Variants in DNMT3L observed in about 807,000 individuals in gnomAD.
The protein encoded by DNMT3L is DNA (cytosine-5)-methyltransferase 3-like.
In DNMT3L, 33 loss-of-function variants were observed where a neutral mutation model predicts 36.2. The ratio of observed to expected loss-of-function variants is 0.91; its 90% CI spans 0.69 to 1.22. The LOEUF (loss-of-function observed/expected upper bound fraction) is 1.22. Among genes scored for constraint, DNMT3L ranks in the 50% most tolerant of loss-of-function variants. DNMT3L has a pLI of 0.00. For missense variants in DNMT3L, 310 were observed against 303.1 expected (o/e 1.02, Z -0.17); for synonymous variants, 117 against 121.7 (o/e 0.96, Z 0.26).
chr21:44,260,147 C>CT (rs2040304205), intron 3 of DNMT3L, among the ~76,000 whole-genome samples: 1 of 151,552 alleles, frequency 6.6e-6, no homozygotes, highest in East Asian at 1.9e-4. Context: ...TCCCAGCTGG[C>CT]TTTTGGGCAG....
Position 44,258,565 on chromosome 21 carries a change from C to A in DNMT3L, c.474G>T (p.Arg158Ser), listed in dbSNP as rs775967192. The A allele has an allele frequency of 7.5e-6, 12 of 1,602,268 alleles. No homozygotes were observed. The South Asian group carries it at 1.3e-4, about 18-fold the overall frequency. ...SSRSGLLQRR[R>S]KWRSQLKAFY... ...AGGCCTTGAGCTGGCTGCGCCACTT[C>A]CTCCGACGCTGCAGCAGCCCGCTTC... is the stretch of plus-strand genomic sequence containing the variant. Residue 158 changes from arginine to serine, a missense_variant, in exon 6 of 12, where the codon AGG becomes AGT. Arg to Ser is a moderately radical substitution (Grantham distance 110). Transcript: ENST00000628202. This position sits in a 1 kb window ranked among gnomAD's most constrained non-coding sequence, Gnocchi z 6.2.
In DNMT3L at chr21:44,256,119, C is replaced by T. The variant is rs781471370; in HGVS notation, c.552G>A (p.Val184=). ...GCACCCGGACTGGCTGTCTCCTCCA[C>T]ACAGGCACGGTTTCGAACATCTCAA... The part of the protein sequence containing the change: ...NPLEMFETVP[V]WRRQPVRVLS... The change falls in exon 7 of 12, where the codon GTG becomes GTA. Residue 184 remains valine, a synonymous_variant. Coordinates refer to ENST00000628202, the MANE Select transcript of DNMT3L (RefSeq NM_175867.3). 17 of 1,613,962 alleles carry T rather than the reference C, an allele frequency of 1.1e-5. No individual in the cohort carries two copies. Among genetic ancestry groups the T allele is most frequent in the South Asian group, 4.4e-5 (4 of 91,078 alleles).
intron 8 of DNMT3L, among the ~76,000 whole-genome samples, chr21:44,253,573 G>T (rs2040235557): frequency 6.6e-6 from 1 of 152,118 alleles, no homozygotes; most frequent in Admixed American, 6.6e-5. Context: ...CAAAAAATTA[G>T]CTGGGCATGG....
At chr21:44,255,643 C>T (rs1019581043) in intron 7 of DNMT3L, among the ~76,000 whole-genome samples, 10 of 152,330 alleles carry the variant, frequency 6.6e-5, no homozygotes, top group African/African-American at 9.6e-5. Flanking sequence ...AGCCCTGGAA[C>T]GGCCCTGGAG....
rs1300083887 is a variant in DNMT3L at position 44,259,542 on chromosome 21, A to T, written c.239T>A (p.Phe80Tyr). Residue 80 changes from phenylalanine (F) to tyrosine (Y), a missense_variant, in exon 5 of 12, where the codon TTC (phenylalanine) becomes TAC (tyrosine). Transcript: ENST00000628202. ...GGICAPCKDK[F>Y]LDALFLYDDD... Reference sequence around the variant, plus strand: ...GTCGTACAGGAAGAGGGCATCCAGGAACTTGTCCTTGGAAGGAGCAAAGCA... The same window carrying T: ...GTCGTACAGGAAGAGGGCATCCAGGTACTTGTCCTTGGAAGGAGCAAAGCA... 1 of 1,613,698 alleles carries T rather than the reference A, an allele frequency of 6.2e-7. No homozygotes were observed. Among genetic ancestry groups the T allele is most frequent in the Admixed American group, 1.7e-5 (1 of 60,016 alleles).
In DNMT3L at chr21:44,260,808, C is replaced by T; in HGVS notation, c.138G>A (p.Gln46=). Residue 46 remains glutamine, a synonymous_variant, in exon 3 of 12, where the codon CAG becomes CAA. Coordinates refer to ENST00000628202, the MANE Select transcript of DNMT3L (RefSeq NM_175867.3). ...GCAAACACTCACCTTCTATATTTCG[C>T]TGGTTAGCCTTGACTTCATATGCAA... ...DLIAYEVKAN[Q]RNIEDICICC... is the part of the protein sequence containing the mutation. 6.2e-7 allele frequency: 1 copy of T among 1,613,236 alleles called. No individual in the cohort carries two copies. The highest frequency in any genetic ancestry group is 8.5e-7 in the Non-Finnish European group (1 of 1,179,928).
intron 6 of DNMT3L, among the ~76,000 whole-genome samples, chr21:44,257,510 T>C (rs1481702463): frequency 6.6e-6 from 1 of 151,030 alleles, no homozygotes; most frequent in African/African-American, 2.4e-5. Context: ...TGAAACCCCG[T>C]CTCTACTAAA....
At chr21:44,260,898 T>G in intron 2 of DNMT3L, 59 bp from the exon 3 acceptor site, 1 of 1,611,874 alleles carries the variant, frequency 6.2e-7, no homozygotes, top group East Asian at 2.2e-5. Flanking sequence ...TAATTTAAAT[T>G]CGGCCAGGAA....
intron 8 of DNMT3L, 138 bp downstream of exon 8, chr21:44,254,479 C>A: frequency 1.1e-6 from 1 of 920,630 alleles, no homozygotes; most frequent in Non-Finnish European, 1.6e-6. Context: ...ACCAGGCTGC[C>A]GAGAGGCCCC....
chr21:44,259,373 A>G, intron 5 of DNMT3L, 64 bp downstream of exon 5: 2 of 1,512,646 alleles, frequency 1.3e-6, no homozygotes, highest in Non-Finnish European at 1.8e-6. Context: ...CTCCAGAATG[A>G]GTAGCTGAAA....
At chr21:44,253,738 GC>G (rs2040236536) in intron 8 of DNMT3L, among the ~76,000 whole-genome samples, 1 of 151,818 alleles carries the variant, frequency 6.6e-6, no homozygotes, top group Non-Finnish European at 1.5e-5. Flanking sequence ...AAACAAAAAA[GC>G]CCCCCAAAAC....
chr21:44,254,721 C>G lies in DNMT3L; in HGVS notation c.605-16G>C. ...CTCGTCAGCTCTGGATGGGGAGAGA[C>G]CAGAAGGGCCCAGAGGGTGAGCGTG... On this transcript the variant is annotated splice_polypyrimidine_tract_variant and intron_variant, in intron 7 of 11. Transcript: ENST00000628202. 1 of 1,613,518 alleles carries G rather than the reference C, an allele frequency of 6.2e-7. No individual in the cohort carries two copies. The highest frequency in any genetic ancestry group is 1.1e-5 in the South Asian group (1 of 91,034).
intron 8 of DNMT3L, among the ~76,000 whole-genome samples, chr21:44,254,183 C>A (rs2040239623): frequency 6.6e-6 from 1 of 152,216 alleles, no homozygotes; most frequent in Non-Finnish European, 1.5e-5. Flanking sequence ...CAAACAGTGA[C>A]CAGTTGTCCA....
At chr21:44,255,472 A>G (rs898057703) in intron 7 of DNMT3L, among the ~76,000 whole-genome samples, 2 of 149,618 alleles carry the variant, frequency 1.3e-5, no homozygotes, top group African/African-American at 5.0e-5. Flanking sequence ...GCGAGCCGAG[A>G]TCAAGCCTGG....
chr21:44,260,714 T>A (rs1237510347), intron 3 of DNMT3L, 81 bp downstream of exon 3: 2 of 1,583,176 alleles, frequency 1.3e-6, no homozygotes, highest in Admixed American at 1.7e-5. Context: ...CACATTGGTC[T>A]CCCAAAGTGC....
chr21:44,260,184 T>C (rs528496967), intron 3 of DNMT3L, among the ~76,000 whole-genome samples: 1 of 151,710 alleles, frequency 6.6e-6, no homozygotes, highest in East Asian at 1.9e-4. Context: ...CCTAAATTCA[T>C]ACGGAAATGC....
In DNMT3L at chr21:44,260,805, T is replaced by TCGCTGGTTAGCCTTGA. The variant is rs761710652; in HGVS notation, c.125_140dup (p.Asn48GlnfsTer3). 3 of 1,613,146 alleles carry TCGCTGGTTAGCCTTGA rather than the reference T, an allele frequency of 1.9e-6. No individual in the cohort carries two copies. Among genetic ancestry groups the TCGCTGGTTAGCCTTGA allele is most frequent in the African/African-American group, 1.3e-5 (1 of 74,908 alleles). Reference sequence around the variant, plus strand: ...TATGCAAACACTCACCTTCTATATTTCGCTGGTTAGCCTTGACTTCATATG... The same window carrying TCGCTGGTTAGCCTTGA: ...TATGCAAACACTCACCTTCTATATTTCGCTGGTTAGCCTTGACGCTGGTTAGCCTTGACTTCATATG... On this transcript the variant is annotated stop_gained and frameshift_variant, in exon 3 of 12. Coordinates refer to ENST00000628202, the MANE Select transcript of DNMT3L (RefSeq NM_175867.3). LOFTEE classifies it high-confidence loss of function.
chr21:44,257,605 T>C (rs374306674), intron 6 of DNMT3L, among the ~76,000 whole-genome samples: 14,993 of 141,222 alleles, frequency 0.11, 1,483 homozygotes, highest in East Asian at 0.29. Context: ...GGCGTGAACC[T>C]GGGAGGCGGA....
intron 7 of DNMT3L, among the ~76,000 whole-genome samples, chr21:44,255,239 G>A (rs1292678898): frequency 6.6e-6 from 1 of 152,090 alleles, no homozygotes; most frequent in Non-Finnish European, 1.5e-5. Context: ...TGTCAAGCAC[G>A]GCCGGGCACA....
Sources: allele counts gnomAD v4.1 joint callset (sites outside exome capture counted in the v4.1 genomes callset), GRCh38; gene constraint gnomAD v4.1.1; non-coding constraint Gnocchi (gnomAD v3.1); transcripts MANE v1.5; gene names NCBI Gene and HGNC (gene_info 2026-07-23, HGNC 2026-07-21).